The following AVEN variants were observed in gnomAD, a reference collection of about 807,000 sequenced individuals.
AVEN encodes cell death regulator Aven.
In AVEN, 41 loss-of-function variants were observed where a neutral mutation model predicts 38.1. That is an observed-to-expected ratio of 1.08 (90% confidence interval 0.84 to 1.40). The LOEUF (loss-of-function observed/expected upper bound fraction) is 1.40. Ranked by LOEUF, AVEN falls within the 40% of genes most tolerant of loss-of-function variation. The probability of loss-of-function intolerance (pLI) is 0.00; values close to 1 mark genes in which losing one functional copy is unlikely to be tolerated. For missense variants in AVEN, 605 were observed against 438.8 expected (o/e 1.38, Z -3.38); for synonymous variants, 206 against 171.8 (o/e 1.20, Z -1.56).
intron 2 of AVEN, among the ~76,000 whole-genome samples, chr15:33,959,504 C>T (rs1462445716): frequency 6.6e-6 from 1 of 152,110 alleles, no homozygotes; most frequent in Non-Finnish European, 1.5e-5. Context: ...ATAGCCATAG[C>T]CCTCCGAGCA....
At chr15:33,853,206 G>A in the AVEN span, 189 of 1,001,652 alleles carry the variant, frequency 1.9e-4, no homozygotes, top group African/African-American at 2.9e-3. Flanking sequence ...AATATCTCAA[G>A]AAGAGTAAGT....
rs8032251 is a variant in AVEN, at chr15:33,919,660, A to G, written c.446-43665T>C. Reference sequence around the variant, plus strand: ...GAAATGTGTGGCTTAGAATAAGAGCACAGAGGGAAAAGAAGAGCAAGCCAA... The same window carrying G: ...GAAATGTGTGGCTTAGAATAAGAGCGCAGAGGGAAAAGAAGAGCAAGCCAA... On this transcript the variant is annotated intron_variant, in intron 2 of 5. Transcript: ENST00000306730. Among the ~76,000 whole-genome samples, 293 of 152,374 alleles carry G rather than the reference A, an allele frequency of 1.9e-3. 2 individuals are homozygous for G. Among genetic ancestry groups the G allele is most frequent in the African/African-American group, 6.7e-3 (280 of 41,598 alleles).
At chr15:33,905,180 G>A (rs1415673012) in intron 2 of AVEN, among the ~76,000 whole-genome samples, 1 of 146,936 alleles carries the variant, frequency 6.8e-6, no homozygotes, top group Non-Finnish European at 1.5e-5. Flanking sequence ...AACTAATTAG[G>A]TGTTTAAACT....
intron 2 of AVEN, among the ~76,000 whole-genome samples, chr15:33,898,453 T>C (rs1035253673): frequency 2.0e-5 from 3 of 152,176 alleles, no homozygotes; most frequent in Non-Finnish European, 4.4e-5. Flanking sequence ...CTCTGAAGGC[T>C]CTAGGGGAGG....
At chr15:33,896,450 G>T (rs757310321) in intron 2 of AVEN, among the ~76,000 whole-genome samples, 1 of 152,130 alleles carries the variant, frequency 6.6e-6, no homozygotes, top group Non-Finnish European at 1.5e-5. Flanking sequence ...AAAATGCCAT[G>T]TTCTTTCTTG....
chr15:34,065,484 T>A (rs1190122780), intron 4 of AVEN: 1 of 152,176 alleles, frequency 6.6e-6, no homozygotes, highest in Non-Finnish European at 1.5e-5. Context: ...AAGTCTTTTT[T>A]TATAGGTCCT....
chr15:33,860,120 T>C (rs950066222), intron 11 of AVEN, among the ~76,000 whole-genome samples: 7 of 152,226 alleles, frequency 4.6e-5, no homozygotes, highest in African/African-American at 1.4e-4. Context: ...AATGATATTT[T>C]AGTCAACAGC....
At chr15:34,062,413 G>A (rs377275336) in intron 5 of AVEN, among the ~76,000 whole-genome samples, 3 of 152,144 alleles carry the variant, frequency 2.0e-5, no homozygotes, top group African/African-American at 7.2e-5. Flanking sequence ...AAAATAGCTG[G>A]GCGTGGTGGT....
rs1567390346 is a variant in AVEN, at chr15:33,875,915, C to CT, written c.516+9dup. The CT allele has an allele frequency of 6.2e-7, 1 of 1,612,054 alleles. No homozygotes were observed. Among genetic ancestry groups the CT allele is most frequent in the Non-Finnish European group, 8.5e-7 (1 of 1,178,410 alleles). Reference sequence around the variant, plus strand: ...GAGCCAGTCCACACTTAACACAACTCTTATCTTACCTGTTTTGGACAAGAA... The same window carrying CT: ...GAGCCAGTCCACACTTAACACAACTCTTTATCTTACCTGTTTTGGACAAGAA... On this transcript the variant is annotated intron_variant, in intron 3 of 5. Transcript: ENST00000306730.
chr15:33,871,726 A>C (rs948988584), intron 3 of AVEN, among the ~76,000 whole-genome samples: 1 of 148,196 alleles, frequency 6.7e-6, no homozygotes, highest in Non-Finnish European at 1.5e-5. Flanking sequence ...TTAGGCAGTG[A>C]GAAGGGACTG....
At chr15:33,979,838 T>C (rs1896057826) in intron 2 of AVEN, among the ~76,000 whole-genome samples, 1 of 152,208 alleles carries the variant, frequency 6.6e-6, no homozygotes, top group African/African-American at 2.4e-5. Context: ...CATATATGCT[T>C]ATATATTTTT....
rs781316039 is a variant in AVEN, at chr15:34,038,995, C to A, written c.52G>T (p.Gly18Cys). 8 of 1,118,356 alleles carry A rather than the reference C, an allele frequency of 7.2e-6. No individual in the cohort carries two copies. The South Asian group carries it at 1.1e-4, about 16-fold the overall frequency. 69.3% of individuals were successfully genotyped at this position (1,118,356 alleles called of 1,614,324 possible). Reference sequence around the variant, plus strand: ...CTGTGGCGATCTCCGCCAGGCCGGCCGCGGCCTGGCCGCCGCCCACGGCCT... The same window carrying A: ...CTGTGGCGATCTCCGCCAGGCCGGCAGCGGCCTGGCCGCCGCCCACGGCCT... Reference protein sequence around the residue: ...RGGRGRRPGRGRPGGDRHSER... With the variant: ...RGGRGRRPGRCRPGGDRHSER... The change falls in exon 1 of 6, where the codon GGC becomes TGC. Residue 18 changes from glycine (G) to cysteine (C), a missense_variant. Physicochemically the swap from Gly to Cys is radical, Grantham distance 159. Coordinates refer to ENST00000306730, the MANE Select transcript of AVEN (RefSeq NM_020371.3).
chr15:33,867,429 C>T (rs374881660), intron 5 of AVEN, 66 bp downstream of exon 5: 43 of 1,520,806 alleles, frequency 2.8e-5, no homozygotes, highest in East Asian at 1.4e-4. Context: ...GGATGTGATG[C>T]GGGCGGGGCT....
At chr15:33,860,918 G>A (rs961585523) in intron 11 of AVEN, among the ~76,000 whole-genome samples, 8 of 120,666 alleles carry the variant, frequency 6.6e-5, no homozygotes, top group African/African-American at 2.5e-4. Flanking sequence ...CTGAGTGAAT[G>A]ACTAATAGCC....
intron 2 of AVEN, among the ~76,000 whole-genome samples, chr15:33,893,168 G>A (rs548109865): frequency 2.6e-5 from 4 of 152,166 alleles, no homozygotes; most frequent in African/African-American, 9.7e-5. Flanking sequence ...TCTGCAAACA[G>A]GGACAATTTG....
chr15:34,004,936 A>G (rs866451521), intron 1 of AVEN, among the ~76,000 whole-genome samples: 8 of 152,216 alleles, frequency 5.3e-5, no homozygotes, highest in South Asian at 2.1e-4. Context: ...AATTATTAAA[A>G]CAACTCATCT....
chr15:33,888,877 A>G (rs1326611796), intron 2 of AVEN, among the ~76,000 whole-genome samples: 1 of 152,026 alleles, frequency 6.6e-6, no homozygotes, highest in East Asian at 1.9e-4. Flanking sequence ...TAGCCTCCCC[A>G]AGTAGCTAGG....
chr15:33,967,145 C>A (rs1459220706), intron 2 of AVEN, among the ~76,000 whole-genome samples: 2 of 152,084 alleles, frequency 1.3e-5, no homozygotes, highest in Non-Finnish European at 2.9e-5. Flanking sequence ...AAGATATGTT[C>A]TCTTGCATAA....
intron 2 of AVEN, among the ~76,000 whole-genome samples, chr15:33,958,590 C>A (rs1457324895): frequency 5.6e-5 from 8 of 141,628 alleles, no homozygotes; most frequent in East Asian, 2.0e-4. Context: ...GACCCTATCT[C>A]AAGAAAAAAA....
Sources: allele counts gnomAD v4.1 joint callset (sites outside exome capture counted in the v4.1 genomes callset), GRCh38; gene constraint gnomAD v4.1.1; transcripts MANE v1.5; gene names NCBI Gene and HGNC (gene_info 2026-07-23, HGNC 2026-07-21).